The following VAV3 variants were observed in gnomAD, a reference collection of about 807,000 sequenced individuals.
VAV3 encodes guanine nucleotide exchange factor VAV3.
A neutral mutation model predicts 131.2 loss-of-function variants in VAV3; 94 were observed. The ratio of observed to expected loss-of-function variants is 0.72; its 90% confidence interval spans 0.61 to 0.85. The LOEUF (loss-of-function observed/expected upper bound fraction) is 0.85. Among genes scored for constraint, VAV3 ranks in the 40% least tolerant of loss-of-function variants. The probability of loss-of-function intolerance (pLI) is 0.00; values close to 1 mark genes in which losing one functional copy is unlikely to be tolerated. For missense variants in VAV3, 939 were observed against 1,002.7 expected (o/e 0.94, Z 0.86); for synonymous variants, 349 against 342.0 (o/e 1.02, Z -0.22).
intron 2 of VAV3, among the ~76,000 whole-genome samples, chr1:107,784,761 CT>C: frequency 6.6e-6 from 1 of 152,216 alleles, no homozygotes; most frequent in Middle Eastern, 3.4e-3. Flanking sequence ...ATATTTCTGG[CT>C]TAAACAAATA....
chr1:107,769,361 T>C (rs536863273), intron 6 of VAV3, among the ~76,000 whole-genome samples: 1 of 152,350 alleles, frequency 6.6e-6, no homozygotes, highest in South Asian at 2.1e-4. Flanking sequence ...TAATTTTCAA[T>C]ATGACCACAA....
chr1:107,933,102 G>A (rs1281438439), intron 1 of VAV3, among the ~76,000 whole-genome samples: 1 of 152,144 alleles, frequency 6.6e-6, no homozygotes, highest in Non-Finnish European at 1.5e-5. Flanking sequence ...ATAATGAAAC[G>A]TGTGTGAATA....
intron 18 of VAV3, among the ~76,000 whole-genome samples, chr1:107,687,064 G>A (rs1411803957): frequency 6.6e-6 from 1 of 152,124 alleles, no homozygotes; most frequent in Non-Finnish European, 1.5e-5. Flanking sequence ...TGGCACTGCT[G>A]GAAGAATCCT....
Position 107,846,313 on chromosome 1 carries a change from A to G in VAV3, c.321+28588T>C, listed in dbSNP as rs191804016. Among the ~76,000 whole-genome samples the G allele has an allele frequency of 5.9e-3, 892 of 152,358 alleles. 5 individuals are homozygous for G. Among genetic ancestry groups the G allele is most frequent in the Middle Eastern group, 0.014 (4 of 294 alleles). On this transcript the variant is annotated intron_variant, in intron 2 of 26. Transcript: ENST00000370056. ...CCTGAAGGAAGGACTAAATACGGAA[A>G]GGAAAAGCCAGTACCAGCCACTGCA... is the stretch of plus-strand genomic sequence containing the variant.
Position 107,848,227 on chromosome 1 carries a change from G to T in VAV3, c.321+26674C>A, listed in dbSNP as rs1467934477. Among the ~76,000 whole-genome samples, 3 of 151,598 alleles carry T rather than the reference G, an allele frequency of 2.0e-5. No individual in the cohort carries two copies. The East Asian group carries it at 5.8e-4, about 29-fold the overall frequency. On this transcript the variant is annotated intron_variant, in intron 2 of 26. Transcript: ENST00000370056. ...AATTGGGAGGCTTAGGCAGGAGAATGGCGTGAACCCTGGAGGCGGAGCTTG... is the reference window on the plus strand; with the variant it reads ...AATTGGGAGGCTTAGGCAGGAGAATTGCGTGAACCCTGGAGGCGGAGCTTG...
intron 17 of VAV3, among the ~76,000 whole-genome samples, chr1:107,693,066 C>T (rs1302652980): frequency 2.0e-5 from 3 of 152,044 alleles, no homozygotes; most frequent in African/African-American, 2.4e-5. Context: ...GAGAAGGAAA[C>T]GACACCCTAA....
intron 15 of VAV3, among the ~76,000 whole-genome samples, chr1:107,727,892 T>A (rs1407289996): frequency 6.6e-6 from 1 of 152,226 alleles, no homozygotes; most frequent in Non-Finnish European, 1.5e-5. Context: ...AGTTTCATTA[T>A]AATTGAATAT....
At chr1:107,698,544 G>A (rs12090234) in intron 17 of VAV3, among the ~76,000 whole-genome samples, 12,364 of 152,220 alleles carry the variant, frequency 0.081, 1,184 homozygotes, top group African/African-American at 0.23. Flanking sequence ...GGCTTAATGA[G>A]GACATAACCC....
rs1318775124 is a variant in VAV3, at chr1:107,760,805, T to C, written c.996A>G (p.Leu332=). 1 of 1,613,576 alleles carries C rather than the reference T, an allele frequency of 6.2e-7. No individual in the cohort carries two copies. Among genetic ancestry groups the C allele is most frequent in the African/African-American group, 1.3e-5 (1 of 74,926 alleles). ...ATACCTGGAGGAGAAGGTGGTACTT[T>C]AAAACACGTTGCATAGGAACCACAA... ...DLLVVPMQRV[L]KYHLLLQELV... Residue 332 remains leucine, a synonymous_variant, in exon 10 of 27, where the codon TTA becomes TTG. Coordinates refer to ENST00000370056, the MANE Select transcript of VAV3 (RefSeq NM_006113.5).
At chr1:107,692,185 C>A (rs570565006) in intron 17 of VAV3, among the ~76,000 whole-genome samples, 157 of 152,224 alleles carry the variant, frequency 1.0e-3, no homozygotes, top group African/African-American at 3.7e-3. Context: ...TTGGACTGAT[C>A]AAATTTTGGA....
rs527626907 is a variant in VAV3 at position 107,583,484 on chromosome 1, T to C, written c.2351-9286A>G. Among the ~76,000 whole-genome samples, 422 of 152,262 alleles carry C rather than the reference T, an allele frequency of 2.8e-3. 2 individuals are homozygous for C. Among genetic ancestry groups the C allele is most frequent in the African/African-American group, 9.7e-3 (402 of 41,540 alleles). ...AAGTCAAATTGTCCCTGTTTGCAGA[T>C]GACATGATTGTATATCTAGAAAACC... is the stretch of plus-strand genomic sequence containing the variant. On this transcript the variant is annotated intron_variant, in intron 25 of 26. Coordinates refer to ENST00000370056, the MANE Select transcript of VAV3 (RefSeq NM_006113.5).
chr1:107,751,886 CA>C (rs1312702401), intron 12 of VAV3, among the ~76,000 whole-genome samples: 7 of 152,194 alleles, frequency 4.6e-5, no homozygotes, highest in African/African-American at 1.7e-4. Context: ...TCAGAAATTC[CA>C]TTTTAATAAA....
chr1:107,815,375 C>T (rs1400762808), intron 2 of VAV3, among the ~76,000 whole-genome samples: 1 of 152,150 alleles, frequency 6.6e-6, no homozygotes, highest in African/African-American at 2.4e-5. Context: ...GCAGCTAAAT[C>T]AGAGTTCCAG....
chr1:107,925,900 A>AAATATATGT (rs1557928326), intron 1 of VAV3, among the ~76,000 whole-genome samples: 1 of 149,758 alleles, frequency 6.7e-6, no homozygotes, highest in East Asian at 2.0e-4. Flanking sequence ...AACATATATG[A>AAATATATGT]TATATATGTT....
chr1:107,679,392 CTT>C (rs1658446014), intron 19 of VAV3, among the ~76,000 whole-genome samples: 1 of 152,148 alleles, frequency 6.6e-6, no homozygotes, highest in Admixed American at 6.5e-5. Context: ...ACAAGAATAA[CTT>C]AAGATCAGAA....
intron 2 of VAV3, among the ~76,000 whole-genome samples, chr1:107,858,701 G>C (rs1052353772): frequency 6.6e-6 from 1 of 152,124 alleles, no homozygotes; most frequent in African/African-American, 2.4e-5. Flanking sequence ...CCCAGTACTC[G>C]GTCCATGGAA....
At chr1:107,921,174 G>A (rs371678088) in intron 1 of VAV3, among the ~76,000 whole-genome samples, 25 of 152,162 alleles carry the variant, frequency 1.6e-4, no homozygotes, top group East Asian at 1.5e-3. Context: ...AATCCCATCC[G>A]CTCTCTCATC....
rs1411750715 is a variant in VAV3 at position 107,848,393 on chromosome 1, C to T, written c.321+26508G>A. On this transcript the variant is annotated intron_variant, in intron 2 of 26. Transcript: ENST00000370056. ...TTGTCCATCACGATCAAGTCAGTTT[C>T]ATCCCTGGGATGCAAGGCTGGTTCA... Among the ~76,000 whole-genome samples the T allele has an allele frequency of 2.0e-5, 3 of 151,604 alleles. No homozygotes were observed. In the South Asian group the frequency reaches 6.3e-4, roughly 32 times the overall value.
At chr1:107,908,857 A>G (rs1237451401) in intron 1 of VAV3, among the ~76,000 whole-genome samples, 3 of 146,550 alleles carry the variant, frequency 2.0e-5, no homozygotes, top group African/African-American at 8.2e-5. Flanking sequence ...ACACACACAC[A>G]CACACACACA....
Sources: gnomAD v4.1 joint callset for allele counts (sites outside exome capture counted in the v4.1 genomes callset) on GRCh38, gnomAD v4.1.1 for gene constraint, MANE v1.5 for transcripts, NCBI Gene and HGNC (gene_info 2026-07-23, HGNC 2026-07-21) for gene names.